Variants in EPHA7 observed in about 807,000 individuals in gnomAD.
EPHA7 encodes the protein ephrin type-A receptor 7.
EPHA7 carries 25 observed loss-of-function variants against 112.6 expected under a neutral mutation model. The ratio of observed to expected loss-of-function variants is 0.22; its 90% CI spans 0.16 to 0.31. The LOEUF (loss-of-function observed/expected upper bound fraction) is 0.31, where lower values mean the gene tolerates loss of function less well. Ranked by LOEUF, EPHA7 falls within the 10% of genes least tolerant of loss-of-function variation. The pLI is 1.00. For missense variants in EPHA7, 962 were observed against 1,212.6 expected, an observed-to-expected ratio of 0.79 and a Z score of 3.07; for synonymous variants, 437 against 406.5, an observed-to-expected ratio of 1.07 and a Z score of -0.90.
intron 5 of EPHA7, among the ~76,000 whole-genome samples, chr6:93,316,107 A>G (rs550886010): frequency 6.6e-6 from 1 of 152,304 alleles, no homozygotes; most frequent in South Asian, 2.1e-4. Flanking sequence ...TAACATAGGA[A>G]GGGCCTGCAC....
At chr6:93,369,688 G>A (rs796304897) in intron 3 of EPHA7, among the ~76,000 whole-genome samples, 19 of 152,180 alleles carry the variant, frequency 1.2e-4, no homozygotes, top group African/African-American at 2.6e-4. Context: ...CTAACTCACC[G>A]TGAAACCCTC....
chr6:93,283,497 T>C (rs1460054249), intron 5 of EPHA7, among the ~76,000 whole-genome samples: 1 of 152,094 alleles, frequency 6.6e-6, no homozygotes, highest in Non-Finnish European at 1.5e-5. Flanking sequence ...ATTGCCTTTA[T>C]GAGCTGTAAC....
At chr6:93,337,009 A>G (rs982654421) in intron 5 of EPHA7, among the ~76,000 whole-genome samples, 1 of 152,184 alleles carries the variant, frequency 6.6e-6, no homozygotes, top group Non-Finnish European at 1.5e-5. Context: ...AGGAAGTATC[A>G]ATGACTAATT....
chr6:93,262,312 C>A (rs184532329), intron 9 of EPHA7, among the ~76,000 whole-genome samples: 1 of 151,402 alleles, frequency 6.6e-6, no homozygotes. Flanking sequence ...TGAGGCTTGT[C>A]GCAGGAAAAT....
At chr6:93,386,209 G>A (rs1159806543) in intron 3 of EPHA7, among the ~76,000 whole-genome samples, 4 of 152,094 alleles carry the variant, frequency 2.6e-5, no homozygotes, top group Non-Finnish European at 5.9e-5. Flanking sequence ...CAAGTCCAAA[G>A]TCTCATCTGA....
chr6:93,259,978 T>G (rs934246790), intron 9 of EPHA7, among the ~76,000 whole-genome samples: 2 of 152,080 alleles, frequency 1.3e-5, no homozygotes, highest in East Asian at 1.9e-4. Flanking sequence ...ATTTATTTTT[T>G]TAAAGACCAA....
At chr6:93,271,314 C>A (rs548935470) in intron 6 of EPHA7, among the ~76,000 whole-genome samples, 1 of 151,896 alleles carries the variant, frequency 6.6e-6, no homozygotes, top group East Asian at 1.9e-4. Context: ...TGCCAATGTA[C>A]TATATACATT....
At chr6:93,272,070 A>G (rs1771248473) in intron 6 of EPHA7, among the ~76,000 whole-genome samples, 1 of 151,920 alleles carries the variant, frequency 6.6e-6, no homozygotes, top group Non-Finnish European at 1.5e-5. Flanking sequence ...TATATGCTAC[A>G]AATGGGATAC....
chr6:93,243,960 T>C (rs1450801233), intron 16 of EPHA7, among the ~76,000 whole-genome samples: 2 of 152,062 alleles, frequency 1.3e-5, no homozygotes, highest in South Asian at 2.1e-4. Context: ...AGTAGAAAAA[T>C]TGGAACTCAT....
intron 5 of EPHA7, among the ~76,000 whole-genome samples, chr6:93,302,576 T>G (rs182108958): frequency 1.3e-5 from 2 of 152,360 alleles, no homozygotes; most frequent in African/African-American, 4.8e-5. Flanking sequence ...AGATGTAGAC[T>G]GCTCTACCTT....
At chr6:93,416,599 G>C (rs1252853320) in intron 1 of EPHA7, among the ~76,000 whole-genome samples, 1 of 152,190 alleles carries the variant, frequency 6.6e-6, no homozygotes, top group Non-Finnish European at 1.5e-5. Context: ...AGTGATCCGT[G>C]CGTCTCTCTT....
chr6:93,419,029 G>A (rs1188268080), intron 1 of EPHA7, among the ~76,000 whole-genome samples: 1 of 152,184 alleles, frequency 6.6e-6, no homozygotes, highest in Admixed American at 6.5e-5. Flanking sequence ...TCGGATGGAC[G>A]GCTCCGGGCA....
chr6:93,410,555 T>C lies in EPHA7; in HGVS notation c.778A>G (p.Ile260Val), dbSNP rs1349574955. The C allele has an allele frequency of 6.2e-7, 1 of 1,613,990 alleles. No individual in the cohort carries two copies. The highest frequency in any genetic ancestry group is 1.7e-5 in the Admixed American group (1 of 59,994). The part of the protein sequence containing the change: ...CSAEGEWLVP[I>V]GKCICKAGYQ... ...CCTGCTTTGCAGATACATTTTCCAA[T>C]GGGCACTAACCATTCTCCTTCTGCA... is the stretch of plus-strand genomic sequence containing the variant. Residue 260 changes from isoleucine to valine, a missense_variant, in exon 3 of 17, where the codon ATT becomes GTT. Physicochemically the swap from Ile to Val is conservative, Grantham distance 29. Around this residue, in one of 3 missense-constraint regions of EPHA7, gnomAD observed 160 missense variants for 263.6 expected, o/e 0.61. Coordinates refer to ENST00000369303, the MANE Select transcript of EPHA7 (RefSeq NM_004440.4). This position sits in a 1 kb window ranked among gnomAD's most constrained non-coding sequence, Gnocchi z 4.0.
At chr6:93,382,508 T>C (rs1213469091) in intron 3 of EPHA7, among the ~76,000 whole-genome samples, 3 of 152,194 alleles carry the variant, frequency 2.0e-5, no homozygotes, top group African/African-American at 7.2e-5. Flanking sequence ...CAGGTGGGGG[T>C]TAGGGACCCC....
intron 3 of EPHA7, among the ~76,000 whole-genome samples, chr6:93,405,276 G>C (rs782372): frequency 0.6 from 90,287 of 151,508 alleles, 27,497 homozygotes; most frequent in African/African-American, 0.74. Context: ...ATTCTATAGA[G>C]TAAGTTCAAT....
At chr6:93,362,246 C>T (rs1024678507) in intron 3 of EPHA7, among the ~76,000 whole-genome samples, 4 of 151,888 alleles carry the variant, frequency 2.6e-5, no homozygotes, top group African/African-American at 9.7e-5. Context: ...CTAGGAGATA[C>T]ATGAAACTTC....
chr6:93,261,017 C>A (rs1770665333), intron 9 of EPHA7, among the ~76,000 whole-genome samples: 2 of 151,690 alleles, frequency 1.3e-5, no homozygotes, highest in South Asian at 2.1e-4. Flanking sequence ...TTGGAGGTAA[C>A]CTTCTGCATC....
intron 5 of EPHA7, among the ~76,000 whole-genome samples, chr6:93,298,013 C>G: frequency 6.6e-6 from 1 of 152,088 alleles, no homozygotes; most frequent in East Asian, 1.9e-4. Flanking sequence ...TTCAGAGATT[C>G]TTTCAAAGAC....
chr6:93,260,552 T>C (rs1470654927), intron 9 of EPHA7: 4 of 953,556 alleles, frequency 4.2e-6, no homozygotes, highest in South Asian at 4.9e-5. Flanking sequence ...TGGAGAACAA[T>C]ATATTTCTTT....
Sources: gnomAD v4.1 joint callset for allele counts (sites outside exome capture counted in the v4.1 genomes callset) on GRCh38, gnomAD v4.1.1 for gene constraint, gnomAD v4.1.1 regional missense constraint, Gnocchi (gnomAD v3.1) non-coding constraint, MANE v1.5 for transcripts, NCBI Gene and HGNC (gene_info 2026-07-23, HGNC 2026-07-21) for gene names.